The following NOL4L variants were observed in gnomAD, a reference collection of about 807,000 sequenced individuals.
NOL4L encodes the protein nucleolar protein 4-like.
NOL4L carries 7 observed loss-of-function variants against 64.5 expected under a neutral mutation model. The observed-to-expected ratio is 0.11, with a 90% CI of 0.06 to 0.20. The LOEUF (loss-of-function observed/expected upper bound fraction) is 0.20, where lower values mean the gene tolerates loss of function less well. Ranked by LOEUF, NOL4L falls within the 10% of genes least tolerant of loss-of-function variation. The probability of loss-of-function intolerance (pLI) is 1.00; values close to 1 mark genes in which losing one functional copy is unlikely to be tolerated. For synonymous variants in NOL4L, 413 were observed against 401.0 expected (o/e 1.03, Z -0.36); for missense variants, 680 against 967.1 (o/e 0.70, Z 3.94).
At chr20:32,452,508 A>AG in intron 9 of NOL4L, 71 bp from the exon 10 acceptor site, 1 of 1,362,406 alleles carries the variant, frequency 7.3e-7, no homozygotes, top group South Asian at 1.4e-5. Flanking sequence ...CCTGGACACA[A>AG]GGTGGATAAA....
chr20:32,573,613 T>C, intron 1 of NOL4L: 1 of 206,020 alleles, frequency 4.9e-6, no homozygotes, highest in Non-Finnish European at 1.0e-5. Context: ...TCCATAGCTA[T>C]TGTCATCCCA....
At chr20:32,450,807 A>G (rs553876416) in intron 10 of NOL4L, among the ~76,000 whole-genome samples, 1 of 152,274 alleles carries the variant, frequency 6.6e-6, no homozygotes, top group East Asian at 1.9e-4. Flanking sequence ...TCTTCCTGGA[A>G]TGAAAGGAGC....
chr20:32,534,626 G>A (rs962183638), intron 1 of NOL4L, among the ~76,000 whole-genome samples: 2 of 152,180 alleles, frequency 1.3e-5, no homozygotes, highest in African/African-American at 4.8e-5. Context: ...ACAGAGGTGG[G>A]AGGATCGCTT....
chr20:32,475,509 G>A (rs566269559), intron 4 of NOL4L, among the ~76,000 whole-genome samples: 10 of 152,226 alleles, frequency 6.6e-5, no homozygotes, highest in Non-Finnish European at 1.2e-4. Context: ...TGCCGGCTTC[G>A]GGCCGGCCCT....
At chr20:32,511,961 T>G (rs553896541) in intron 3 of NOL4L, among the ~76,000 whole-genome samples, 106 of 152,156 alleles carry the variant, frequency 7.0e-4, no homozygotes, top group Non-Finnish European at 8.2e-4. Flanking sequence ...TGCAGTGAGC[T>G]GTGATGGCAC....
intron 4 of NOL4L, among the ~76,000 whole-genome samples, chr20:32,497,841 C>A (rs771579083): frequency 6.6e-6 from 1 of 152,206 alleles, no homozygotes; most frequent in African/African-American, 2.4e-5. Context: ...CCACTTCCCC[C>A]CTTCATTCAT....
intron 3 of NOL4L, among the ~76,000 whole-genome samples, chr20:32,517,980 C>G (rs1272892870): frequency 6.6e-6 from 1 of 152,222 alleles, no homozygotes; most frequent in Non-Finnish European, 1.5e-5. Flanking sequence ...CCAGGACTAA[C>G]ACCTCATAGG....
At chr20:32,529,698 G>A (rs2018272599) in intron 1 of NOL4L, among the ~76,000 whole-genome samples, 1 of 152,188 alleles carries the variant, frequency 6.6e-6, no homozygotes. Context: ...GTCCCTAAGT[G>A]GTAACCCTGG....
intron 4 of NOL4L, among the ~76,000 whole-genome samples, chr20:32,487,529 A>C (rs1239239862): frequency 6.6e-6 from 1 of 151,684 alleles, no homozygotes; most frequent in Non-Finnish European, 1.5e-5. Flanking sequence ...TTCCAGGCAG[A>C]GGGAATAGTT....
intron 1 of NOL4L, chr20:32,536,381 G>A (rs2018524021): frequency 1.1e-6 from 1 of 921,006 alleles, no homozygotes; most frequent in Non-Finnish European, 1.3e-6. Context: ...CGGGGGAAGA[G>A]GTGGGGCTGG....
chr20:32,511,765 C>A (rs1248498950), intron 3 of NOL4L, among the ~76,000 whole-genome samples: 1 of 152,156 alleles, frequency 6.6e-6, no homozygotes, highest in East Asian at 1.9e-4. Flanking sequence ...CAGGAGGATC[C>A]CTTGAGCCCC....
chr20:32,551,693 T>A (rs2018804979), intron 1 of NOL4L, among the ~76,000 whole-genome samples: 1 of 151,316 alleles, frequency 6.6e-6, no homozygotes, highest in Non-Finnish European at 1.5e-5. Flanking sequence ...GTGAGGGGTA[T>A]GGGGGGTTTC....
At chr20:32,543,021 T>C (rs1205911862) in intron 1 of NOL4L, among the ~76,000 whole-genome samples, 1 of 152,166 alleles carries the variant, frequency 6.6e-6, no homozygotes, top group African/African-American at 2.4e-5. Context: ...TGTGGTGCTC[T>C]TGCCTTGAGG....
At chr20:32,458,457 C>G (rs530638677) in intron 5 of NOL4L, among the ~76,000 whole-genome samples, 18 of 152,332 alleles carry the variant, frequency 1.2e-4, no homozygotes, top group Non-Finnish European at 1.9e-4. Flanking sequence ...CTTCCCCTGG[C>G]CCAGGGTCAT....
intron 1 of NOL4L, among the ~76,000 whole-genome samples, chr20:32,580,350 T>C (rs1980390510): frequency 1.3e-5 from 2 of 152,060 alleles, no homozygotes; most frequent in Admixed American, 6.6e-5. Context: ...CCAGGAAATA[T>C]TGAGGGACTC....
chr20:32,459,703 T>G (rs1472074389), intron 5 of NOL4L, among the ~76,000 whole-genome samples: 1 of 152,058 alleles, frequency 6.6e-6, no homozygotes, highest in Non-Finnish European at 1.5e-5. Context: ...TTTTTAAAGT[T>G]TTCTTTTTTT....
At position 32,474,646 on chromosome 20, in the gene NOL4L, C is replaced by G. The variant is rs1251909209; in HGVS notation, c.796G>C (p.Asp266His). 1.2e-6 allele frequency: 2 copies of G among 1,613,812 alleles called. No individual in the cohort carries two copies. Among genetic ancestry groups the G allele is most frequent in the Non-Finnish European group, 1.7e-6 (2 of 1,179,956 alleles). The change falls in exon 5 of 11, where the codon GAC becomes CAC. Residue 266 changes from aspartate to histidine, a missense_variant. Around this residue, in one of 4 missense-constraint regions of NOL4L, gnomAD observed 254 missense variants for 238.7 expected, o/e 1.06. Coordinates refer to ENST00000621426, the MANE Select transcript of NOL4L (RefSeq NM_001256798.2). ...HLASSLSPSQ[D>H]ERMRSPQNLH... Reference sequence around the variant, plus strand: ...TTCTGCGGGCTCCGCATCCTCTCGTCCTGGCTGGGGCTCAGGCTGGAGGCC... The same window carrying G: ...TTCTGCGGGCTCCGCATCCTCTCGTGCTGGCTGGGGCTCAGGCTGGAGGCC...
chr20:32,488,764 TTCC>T (rs2016220194), intron 4 of NOL4L, among the ~76,000 whole-genome samples: 1 of 54,742 alleles, frequency 1.8e-5, no homozygotes, highest in South Asian at 5.5e-4. Flanking sequence ...CCTTCCTTCC[TTCC>T]TTCCTTCCTT....
chr20:32,484,303 G>A (rs1269930834), intron 4 of NOL4L, among the ~76,000 whole-genome samples: 2 of 151,634 alleles, frequency 1.3e-5, no homozygotes, highest in African/African-American at 2.4e-5. Context: ...GCCGGCTCTC[G>A]GCCGTACCCC....
Sources: gnomAD v4.1 joint callset for allele counts (sites outside exome capture counted in the v4.1 genomes callset) on GRCh38, gnomAD v4.1.1 for gene constraint, gnomAD v4.1.1 regional missense constraint, MANE v1.5 for transcripts, NCBI Gene and HGNC (gene_info 2026-07-23, HGNC 2026-07-21) for gene names.